The following KCNH5 variants were observed in gnomAD, a reference collection of about 807,000 sequenced individuals.
The protein encoded by KCNH5 is potassium voltage-gated channel subfamily H member 5.
KCNH5 carries 46 observed loss-of-function variants against 96.1 expected under a neutral mutation model. The observed-to-expected ratio is 0.48, with a 90% CI of 0.38 to 0.61. The LOEUF (loss-of-function observed/expected upper bound fraction) is 0.61. KCNH5 is among the 20% of genes least tolerant of loss of function. KCNH5 has a pLI of 0.00. For synonymous variants in KCNH5, 439 were observed against 449.8 expected (o/e 0.98, Z 0.30); for missense variants, 907 against 1,225.8 (o/e 0.74, Z 3.88).
chr14:62,962,198 G>T (rs913263133), intron 6 of KCNH5, among the ~76,000 whole-genome samples: 15 of 152,074 alleles, frequency 9.9e-5, no homozygotes, highest in African/African-American at 3.6e-4. Flanking sequence ...AAATGTTGAG[G>T]TTGTATTTTT....
chr14:62,856,153 A>G (rs1887923680), intron 7 of KCNH5, among the ~76,000 whole-genome samples: 1 of 152,190 alleles, frequency 6.6e-6, no homozygotes. Context: ...AAGCTAATTA[A>G]CTGTAACCTG....
At chr14:63,003,527 ATATATAT>A (rs572942120) in intron 3 of KCNH5, among the ~76,000 whole-genome samples, 4,873 of 122,452 alleles carry the variant, frequency 0.04, 188 homozygotes, top group Non-Finnish European at 0.062. Context: ...TATATATTTT[ATATATAT>A]TATATATTAT....
At chr14:62,761,867 T>C (rs1403643105) in intron 10 of KCNH5, among the ~76,000 whole-genome samples, 8 of 151,950 alleles carry the variant, frequency 5.3e-5, no homozygotes, top group Non-Finnish European at 7.4e-5. Flanking sequence ...AAGGATGGCA[T>C]TGAGAATGGA....
chr14:62,845,446 T>C (rs1595651879), intron 8 of KCNH5, among the ~76,000 whole-genome samples: 1 of 143,900 alleles, frequency 6.9e-6, no homozygotes, highest in South Asian at 2.3e-4. Context: ...TAAACATAAA[T>C]AGATAGGTAG....
chr14:62,760,059 C>T (rs1238666959), intron 10 of KCNH5, among the ~76,000 whole-genome samples: 1 of 152,090 alleles, frequency 6.6e-6, no homozygotes, highest in Non-Finnish European at 1.5e-5. Context: ...TTAAAAGCTG[C>T]CAGTCAGTCT....
At chr14:62,896,463 G>A (rs1001019813) in intron 7 of KCNH5, among the ~76,000 whole-genome samples, 2 of 152,170 alleles carry the variant, frequency 1.3e-5, no homozygotes, top group African/African-American at 4.8e-5. Context: ...AATTGTGAAG[G>A]AGCCTCCCTT....
chr14:62,970,278 G>C (rs1890382094), intron 6 of KCNH5, among the ~76,000 whole-genome samples: 2 of 151,768 alleles, frequency 1.3e-5, no homozygotes, highest in South Asian at 4.2e-4. Context: ...CATCTGCTAA[G>C]ACCCACACAA....
chr14:62,757,868 G>A (rs557991260), intron 10 of KCNH5, among the ~76,000 whole-genome samples: 122 of 152,190 alleles, frequency 8.0e-4, no homozygotes, highest in African/African-American at 2.5e-3. Context: ...AGTTACAGCC[G>A]AGGGTGGTGG....
At chr14:62,894,412 C>T (rs1888771107) in intron 7 of KCNH5, among the ~76,000 whole-genome samples, 1 of 152,168 alleles carries the variant, frequency 6.6e-6, no homozygotes, top group Non-Finnish European at 1.5e-5. Flanking sequence ...TGTCATCAAT[C>T]AAGCAATTTA....
intron 8 of KCNH5, among the ~76,000 whole-genome samples, chr14:62,834,759 A>G (rs911549233): frequency 6.6e-6 from 1 of 152,030 alleles, no homozygotes; most frequent in Non-Finnish European, 1.5e-5. Context: ...AAGAAAAAAT[A>G]ACATTTAATG....
At chr14:62,845,124 A>C (rs1458995916) in intron 8 of KCNH5, among the ~76,000 whole-genome samples, 1 of 152,132 alleles carries the variant, frequency 6.6e-6, no homozygotes, top group Non-Finnish European at 1.5e-5. Context: ...ATATTTGAAA[A>C]AAATTATCAA....
intron 7 of KCNH5, among the ~76,000 whole-genome samples, chr14:62,902,129 T>C (rs1212747817): frequency 6.6e-6 from 1 of 152,206 alleles, no homozygotes; most frequent in African/African-American, 2.4e-5. Flanking sequence ...TTTGTCATTG[T>C]AGTTTGCAAA....
intron 10 of KCNH5, among the ~76,000 whole-genome samples, chr14:62,765,250 C>G (rs140753307): frequency 1.3e-5 from 2 of 152,080 alleles, no homozygotes; most frequent in Non-Finnish European, 2.9e-5. Context: ...TTTGAGAAAG[C>G]TGACAAAAAC....
intron 7 of KCNH5, among the ~76,000 whole-genome samples, chr14:62,943,377 T>C (rs1201226867): frequency 6.6e-6 from 1 of 152,104 alleles, no homozygotes; most frequent in African/African-American, 2.4e-5. Flanking sequence ...TCAAAATAAA[T>C]CATCCACGTA....
At chr14:62,723,136 G>T (rs1253564553) in intron 10 of KCNH5, among the ~76,000 whole-genome samples, 2 of 150,934 alleles carry the variant, frequency 1.3e-5, no homozygotes, top group African/African-American at 4.9e-5. Context: ...TATCTTTAAA[G>T]ATTTTTTTTT....
At chr14:62,949,640 A>G (rs559387987) in intron 7 of KCNH5, among the ~76,000 whole-genome samples, 1 of 152,252 alleles carries the variant, frequency 6.6e-6, no homozygotes, top group South Asian at 2.1e-4. Flanking sequence ...CATATATTCA[A>G]CCTAGAGTGG....
At chr14:62,910,431 T>C (rs1889127104) in intron 7 of KCNH5, among the ~76,000 whole-genome samples, 1 of 152,046 alleles carries the variant, frequency 6.6e-6, no homozygotes, top group African/African-American at 2.4e-5. Flanking sequence ...AGACAAATAG[T>C]CATTACACAA....
At chr14:62,835,498 A>T (rs1887446792) in intron 8 of KCNH5, among the ~76,000 whole-genome samples, 1 of 152,076 alleles carries the variant, frequency 6.6e-6, no homozygotes, top group Non-Finnish European at 1.5e-5. Context: ...AATATTACCC[A>T]ATTAATGTAA....
intron 10 of KCNH5, among the ~76,000 whole-genome samples, chr14:62,755,808 C>G (rs753589562): frequency 6.6e-6 from 1 of 151,976 alleles, no homozygotes; most frequent in Non-Finnish European, 1.5e-5. Flanking sequence ...TCAACATTTG[C>G]AAATCAATCA....
Sources: allele counts gnomAD v4.1 joint callset (sites outside exome capture counted in the v4.1 genomes callset), GRCh38; gene constraint gnomAD v4.1.1; transcripts MANE v1.5; gene names NCBI Gene and HGNC (gene_info 2026-07-23, HGNC 2026-07-21).